NAALADL2: variants seen among roughly 807,000 people sequenced by gnomAD.
The protein encoded by NAALADL2 is N-acetylated alpha-linked acidic dipeptidase like 2.
NAALADL2 carries 76 observed loss-of-function variants against 87.2 expected under a neutral mutation model. The observed-to-expected ratio is 0.87, with a 90% CI of 0.72 to 1.05. The LOEUF (loss-of-function observed/expected upper bound fraction) is 1.05. Among genes scored for constraint, NAALADL2 ranks in the 50% least tolerant of loss-of-function variants. NAALADL2 has a pLI of 0.00. For synonymous variants in NAALADL2, 354 were observed against 331.0 expected, an observed-to-expected ratio of 1.07 and a Z score of -0.75; for missense variants, 1,089 against 945.8, an observed-to-expected ratio of 1.15 and a Z score of -1.99.
chr3:175,058,235 T>A (rs1712643402), intron 1 of NAALADL2, among the ~76,000 whole-genome samples: 1 of 152,234 alleles, frequency 6.6e-6, no homozygotes, highest in Non-Finnish European at 1.5e-5. Context: ...CCTGGAGTTT[T>A]CTAAATCCAG....
intron 11 of NAALADL2, among the ~76,000 whole-genome samples, chr3:175,697,851 ATATG>A (rs1738113727): frequency 8.4e-6 from 1 of 118,652 alleles, no homozygotes; most frequent in African/African-American, 3.4e-5. Context: ...GTATACATAT[ATATG>A]TGTATATATG....
chr3:175,197,036 A>G (rs1182071196), intron 2 of NAALADL2, among the ~76,000 whole-genome samples: 2 of 152,018 alleles, frequency 1.3e-5, no homozygotes, highest in Admixed American at 6.6e-5. Flanking sequence ...TTTTACTGCA[A>G]TATGCAATTT....
At position 175,473,944 on chromosome 3, in the gene NAALADL2, T is replaced by A. The variant is rs75278218; in HGVS notation, c.1653+2186T>A. 8.9e-3 allele frequency among the ~76,000 whole-genome samples: 1,349 copies of A among 152,332 alleles called. 21 individuals are homozygous for A. Among genetic ancestry groups the A allele is most frequent in the African/African-American group, 0.031 (1,276 of 41,584 alleles). ...ACAGTAGTGGGATTGCTGTGTTGAA[T>A]GGTAGATTTACTGTTAGTTCTTTGA... On this transcript the variant is annotated intron_variant, in intron 9 of 13. Coordinates refer to ENST00000454872, the MANE Select transcript of NAALADL2 (RefSeq NM_207015.3).
chr3:174,787,600 T>TATATATATACATATATATATATATACAC (rs1716912209), intron 3 of NAALADL2, among the ~76,000 whole-genome samples: 8 of 68,458 alleles, frequency 1.2e-4, no homozygotes, highest in Non-Finnish European at 1.7e-4. Context: ...TATATATATA[T>TATATATATACATATATATATATATACAC]ATATATATAT....
intron 1 of NAALADL2, among the ~76,000 whole-genome samples, chr3:174,468,977 G>T (rs1042615736): frequency 5.9e-5 from 9 of 151,444 alleles, no homozygotes; most frequent in African/African-American, 2.2e-4. Context: ...TGGCCAGGCT[G>T]GTTTCGAAGT....
intron 1 of NAALADL2, among the ~76,000 whole-genome samples, chr3:174,508,927 A>G (rs928702037): frequency 3.3e-5 from 5 of 152,164 alleles, no homozygotes; most frequent in African/African-American, 1.2e-4. Flanking sequence ...TTGTTATTAT[A>G]TAGAAATGTC....
chr3:175,130,775 T>G (rs1234689078), intron 2 of NAALADL2, among the ~76,000 whole-genome samples: 8 of 152,324 alleles, frequency 5.3e-5, no homozygotes, highest in Admixed American at 2.6e-4. Context: ...ATGTCTGTTT[T>G]TATTCTAGTG....
At chr3:175,178,700 C>A (rs1006301182) in intron 2 of NAALADL2, among the ~76,000 whole-genome samples, 6 of 151,922 alleles carry the variant, frequency 3.9e-5, no homozygotes, top group African/African-American at 1.5e-4. Flanking sequence ...TAGGGAGAAG[C>A]CCGAGAATCT....
Position 175,139,552 on chromosome 3 carries a change from A to G in NAALADL2, c.545+42261A>G, listed in dbSNP as rs150832924. Among the ~76,000 whole-genome samples the G allele has an allele frequency of 8.5e-5, 13 of 152,178 alleles. No homozygotes were observed. The East Asian group carries it at 2.1e-3, about 25-fold the overall frequency. On this transcript the variant is annotated intron_variant, in intron 2 of 13. Coordinates refer to ENST00000454872, the MANE Select transcript of NAALADL2 (RefSeq NM_207015.3). The stretch of plus-strand genomic sequence containing the variant: ...AACATTATTCTGAAATGCTACGTAG[A>G]TGATTCATATATCTTCCCTTAGTAT...
intron 1 of NAALADL2, among the ~76,000 whole-genome samples, chr3:174,882,600 C>T (rs1463127044): frequency 7.4e-6 from 1 of 135,274 alleles, no homozygotes; most frequent in Non-Finnish European, 1.5e-5. Context: ...TGTATATACA[C>T]ATACATATAT....
At position 175,242,323 on chromosome 3, in the gene NAALADL2, A is replaced by G. The variant is rs1219673489; in HGVS notation, c.819+8119A>G. On this transcript the variant is annotated intron_variant, in intron 3 of 13. Transcript: ENST00000454872. The stretch of plus-strand genomic sequence containing the variant: ...ATAATGTAATTTTCTTAGCAGATAC[A>G]TGTTTTAATTTATACAAAATGCCTG... The G allele has an allele frequency of 3.9e-5, 6 of 152,200 alleles. No individual in the cohort carries two copies. The East Asian group carries it at 1.2e-3, about 29-fold the overall frequency. 9.4% of individuals were successfully genotyped at this position (152,200 alleles called of 1,614,324 possible).
At chr3:175,197,395 C>A (rs952166838) in intron 2 of NAALADL2, among the ~76,000 whole-genome samples, 1 of 151,910 alleles carries the variant, frequency 6.6e-6, no homozygotes, top group African/African-American at 2.4e-5. Flanking sequence ...ATTCATGACA[C>A]AGCTTTTTTT....
intron 1 of NAALADL2, among the ~76,000 whole-genome samples, chr3:175,069,797 T>C (rs1715255477): frequency 6.6e-6 from 1 of 150,404 alleles, no homozygotes; most frequent in Non-Finnish European, 1.5e-5. Context: ...ATTAAGAAAA[T>C]GTGGCACATA....
intron 2 of NAALADL2, among the ~76,000 whole-genome samples, chr3:175,109,715 C>T (rs560693492): frequency 4.6e-5 from 7 of 151,916 alleles, no homozygotes; most frequent in Admixed American, 1.3e-4. Context: ...TAGCATTACC[C>T]AGCAACTAAC....
intron 13 of NAALADL2, among the ~76,000 whole-genome samples, chr3:175,788,777 TACTC>T (rs146798486): frequency 0.013 from 2,039 of 152,306 alleles, 37 homozygotes; most frequent in African/African-American, 0.046. Flanking sequence ...GTTGAAATCT[TACTC>T]AAATAATTAT....
intron 10 of NAALADL2, among the ~76,000 whole-genome samples, chr3:175,580,170 T>G (rs1347817527): frequency 6.6e-6 from 1 of 152,194 alleles, no homozygotes; most frequent in African/African-American, 2.4e-5. Context: ...ACTAAATTTT[T>G]TTAAAGCTAG....
At chr3:174,816,805 T>C (rs747183253) in intron 3 of NAALADL2, among the ~76,000 whole-genome samples, 1 of 152,108 alleles carries the variant, frequency 6.6e-6, no homozygotes, top group Non-Finnish European at 1.5e-5. Context: ...CTTGCTTACA[T>C]TTTATAGTAT....
chr3:175,105,953 C>G (rs893770381), intron 2 of NAALADL2, among the ~76,000 whole-genome samples: 1 of 152,004 alleles, frequency 6.6e-6, no homozygotes, highest in East Asian at 1.9e-4. Flanking sequence ...AGTGGATCCC[C>G]TCACAGGTCT....
chr3:175,190,745 G>A (rs1245979258), intron 2 of NAALADL2, among the ~76,000 whole-genome samples: 3 of 152,156 alleles, frequency 2.0e-5, no homozygotes, highest in African/African-American at 7.2e-5. Flanking sequence ...GGGAGGCCTA[G>A]GCAGGTGGAT....
Sources: allele counts gnomAD v4.1 joint callset (sites outside exome capture counted in the v4.1 genomes callset), GRCh38; gene constraint gnomAD v4.1.1; transcripts MANE v1.5; gene names NCBI Gene and HGNC (gene_info 2026-07-23, HGNC 2026-07-21).